The following EPB41L5 variants were observed in gnomAD, a reference collection of about 807,000 sequenced individuals.
EPB41L5 encodes band 4.1-like protein 5.
In EPB41L5, 55 loss-of-function variants were observed where a neutral mutation model predicts 106.6. The ratio of observed to expected loss-of-function variants is 0.52; its 90% CI spans 0.42 to 0.65. The LOEUF (loss-of-function observed/expected upper bound fraction) is 0.65, where lower values mean the gene tolerates loss of function less well. EPB41L5 is among the 30% of genes least tolerant of loss of function. The probability of loss-of-function intolerance (pLI) is 0.00; values close to 1 mark genes in which losing one functional copy is unlikely to be tolerated. For synonymous variants in EPB41L5, 297 were observed against 306.7 expected, an observed-to-expected ratio of 0.97 and a Z score of 0.33; for missense variants, 871 against 882.1, an observed-to-expected ratio of 0.99 and a Z score of 0.16.
At chr2:120,092,083 C>T (rs1683457606) in intron 13 of EPB41L5, among the ~76,000 whole-genome samples, 1 of 151,684 alleles carries the variant, frequency 6.6e-6, no homozygotes. Context: ...GGTTGGAGTG[C>T]AGTGGCATGA....
intron 16 of EPB41L5, chr2:120,106,865 A>G: frequency 1.0e-6 from 1 of 982,836 alleles, no homozygotes; most frequent in Non-Finnish European, 1.2e-6. Context: ...ATAATCATAG[A>G]TAACATACTT....
chr2:120,033,758 A>G (rs901999455), intron 2 of EPB41L5, among the ~76,000 whole-genome samples: 1 of 151,152 alleles, frequency 6.6e-6, no homozygotes, highest in Admixed American at 6.6e-5. Flanking sequence ...ATAGTTTTTA[A>G]TGGCGAAAAC....
intron 15 of EPB41L5, 28 bp downstream of exon 15, chr2:120,100,314 C>T (rs776475046): frequency 1.9e-6 from 3 of 1,600,902 alleles, no homozygotes; most frequent in Non-Finnish European, 2.6e-6. Context: ...TTCTAAAACA[C>T]TGGATCACCC....
intron 14 of EPB41L5, among the ~76,000 whole-genome samples, chr2:120,098,867 T>A (rs1683946411): frequency 6.6e-6 from 1 of 152,270 alleles, no homozygotes; most frequent in Non-Finnish European, 1.5e-5. Context: ...GGCTTCTGGA[T>A]CCTCTATTCA....
intron 3 of EPB41L5, among the ~76,000 whole-genome samples, chr2:120,056,929 CTT>C (rs1172290442): frequency 6.6e-6 from 1 of 152,102 alleles, no homozygotes; most frequent in African/African-American, 2.4e-5. Context: ...CAGGGTCTCA[CTT>C]TGTCACCCAG....
intron 20 of EPB41L5, among the ~76,000 whole-genome samples, chr2:120,156,837 A>T (rs1381410476): frequency 1.3e-5 from 2 of 152,234 alleles, no homozygotes; most frequent in Non-Finnish European, 2.9e-5. Context: ...ACACAGTAAT[A>T]GTGGGAGACG....
intron 18 of EPB41L5, among the ~76,000 whole-genome samples, chr2:120,132,071 C>A (rs982568396): frequency 1.3e-5 from 2 of 152,112 alleles, no homozygotes; most frequent in Non-Finnish European, 2.9e-5. Context: ...GTGGTATAAA[C>A]AAGAAAGAGA....
At chr2:120,110,328 A>C (rs952652362) in intron 16 of EPB41L5, among the ~76,000 whole-genome samples, 1 of 152,192 alleles carries the variant, frequency 6.6e-6, no homozygotes, top group African/African-American at 2.4e-5. Flanking sequence ...ATGCCTACTT[A>C]TCTCTCCAAC....
chr2:120,039,876 A>C (rs1255622347), intron 2 of EPB41L5, among the ~76,000 whole-genome samples: 1 of 151,608 alleles, frequency 6.6e-6, no homozygotes, highest in Non-Finnish European at 1.5e-5. Context: ...AATAAGCTAG[A>C]AGAAGTTGTT....
At chr2:120,028,515 A>G (rs1045593534) in intron 2 of EPB41L5, among the ~76,000 whole-genome samples, 3 of 152,164 alleles carry the variant, frequency 2.0e-5, no homozygotes, top group Admixed American at 2.0e-4. Flanking sequence ...CCGTGTGGGC[A>G]ACAGAGAAAA....
In EPB41L5 at chr2:120,177,745, T is replaced by A. The variant is rs1482165263; in HGVS notation, c.*2838T>A. On this transcript the variant is annotated 3_prime_UTR_variant, in exon 25 of 25. Coordinates refer to ENST00000263713, the MANE Select transcript of EPB41L5 (RefSeq NM_020909.4). ...ATACATTGTTTTAAGAAAAAACTTTTAAAAATATTTCTTATAGTCTCCTAA... is the reference window on the plus strand; with the variant it reads ...ATACATTGTTTTAAGAAAAAACTTTAAAAAATATTTCTTATAGTCTCCTAA... 2.0e-5 allele frequency: 3 copies of A among 152,218 alleles called. No individual in the cohort carries two copies. The highest frequency in any genetic ancestry group is 2.0e-4 in the Admixed American group (3 of 15,284). The allele number at this position is 152,218 out of a possible 1,614,324, so 9.4% of individuals were successfully genotyped here.
chr2:120,090,402 A>G lies in EPB41L5; in HGVS notation c.929A>G (p.Lys310Arg), dbSNP rs752093993. Reference sequence around the variant, plus strand: ...AGACTGGATCATCCAAAAGCATGCAAACATTTATGGAAATGTGCTGTGGAG... The same window carrying G: ...AGACTGGATCATCCAAAAGCATGCAGACATTTATGGAAATGTGCTGTGGAG... ...VFRLDHPKAC[K>R]HLWKCAVEHH... The change falls in exon 12 of 25, where the codon AAA becomes AGA. Residue 310 changes from lysine (K) to arginine (R), a missense_variant. By Grantham distance (26) the Lys-to-Arg change is conservative. Coordinates refer to ENST00000263713, the MANE Select transcript of EPB41L5 (RefSeq NM_020909.4). The G allele has an allele frequency of 1.9e-6, 3 of 1,613,532 alleles. No homozygotes were observed. Among genetic ancestry groups the G allele is most frequent in the Non-Finnish European group, 2.5e-6 (3 of 1,179,754 alleles).
chr2:120,071,168 A>G (rs958122612), intron 3 of EPB41L5, among the ~76,000 whole-genome samples: 2 of 152,210 alleles, frequency 1.3e-5, no homozygotes, highest in Non-Finnish European at 2.9e-5. Context: ...ATGTGCAAAA[A>G]TCACAAGCAT....
At chr2:120,031,025 C>T (rs541482788) in intron 2 of EPB41L5, among the ~76,000 whole-genome samples, 11 of 151,998 alleles carry the variant, frequency 7.2e-5, no homozygotes, top group African/African-American at 2.2e-4. Flanking sequence ...TACAGGCGTC[C>T]GCCACCACAC....
intron 3 of EPB41L5, among the ~76,000 whole-genome samples, chr2:120,054,625 C>T (rs1047779798): frequency 4.0e-5 from 6 of 151,892 alleles, no homozygotes; most frequent in South Asian, 2.1e-4. Context: ...CCTCAGCCTC[C>T]GAAGTACCTG....
intron 18 of EPB41L5, among the ~76,000 whole-genome samples, chr2:120,138,797 A>C (rs574322305): frequency 6.6e-6 from 1 of 152,076 alleles, no homozygotes; most frequent in Admixed American, 6.6e-5. Context: ...CTATCAAAAT[A>C]CCAATGATAT....
At chr2:120,117,788 A>G (rs1005719785) in intron 16 of EPB41L5, among the ~76,000 whole-genome samples, 2 of 152,128 alleles carry the variant, frequency 1.3e-5, no homozygotes, top group African/African-American at 4.8e-5. Flanking sequence ...TCTCAGTAGC[A>G]TATTTGTATG....
At chr2:120,149,841 G>C (rs1368722930) in intron 20 of EPB41L5, among the ~76,000 whole-genome samples, 1 of 149,602 alleles carries the variant, frequency 6.7e-6, no homozygotes, top group African/African-American at 2.5e-5. Context: ...ATTTCTCCCA[G>C]TAATGAGTGA....
chr2:120,174,821 C>G lies in EPB41L5; in HGVS notation c.2136-20C>G. The G allele has an allele frequency of 6.2e-7, 1 of 1,613,208 alleles. No individual in the cohort carries two copies. Among genetic ancestry groups the G allele is most frequent in the Non-Finnish European group, 8.5e-7 (1 of 1,179,220 alleles). On this transcript the variant is annotated intron_variant, in intron 24 of 24. Coordinates refer to ENST00000263713, the MANE Select transcript of EPB41L5 (RefSeq NM_020909.4). ...AAACCCCAGGGGTTCCCTGAGTAACCCATTCTCTCTTCCTTTCAGCTCTGG... is the reference window on the plus strand; with the variant it reads ...AAACCCCAGGGGTTCCCTGAGTAACGCATTCTCTCTTCCTTTCAGCTCTGG...
Sources: gnomAD v4.1 joint callset for allele counts (sites outside exome capture counted in the v4.1 genomes callset) on GRCh38, gnomAD v4.1.1 for gene constraint, MANE v1.5 for transcripts, NCBI Gene and HGNC (gene_info 2026-07-23, HGNC 2026-07-21) for gene names.